The following SPATS2L variants were observed in gnomAD, a reference collection of about 807,000 sequenced individuals.
SPATS2L encodes spermatogenesis associated serine rich 2 like.
A neutral mutation model predicts 59.6 loss-of-function variants in SPATS2L; 30 were observed. That is an observed-to-expected ratio of 0.50 (90% CI 0.38 to 0.68). The LOEUF is 0.68. SPATS2L is among the 30% of genes least tolerant of loss of function. The pLI, the probability that SPATS2L is intolerant of heterozygous loss-of-function variation, is 0.00. For missense variants in SPATS2L, 615 were observed against 700.0 expected (o/e 0.88, Z 1.37); for synonymous variants, 252 against 263.5 (o/e 0.96, Z 0.42).
intron 3 of SPATS2L, among the ~76,000 whole-genome samples, chr2:200,405,128 C>A (rs1247538535): frequency 2.0e-5 from 3 of 152,162 alleles, no homozygotes; most frequent in African/African-American, 7.2e-5. Flanking sequence ...CCCACCACAT[C>A]CCTGGACAAG....
chr2:200,361,088 C>A (rs1362133763), intron 2 of SPATS2L, among the ~76,000 whole-genome samples: 1 of 93,114 alleles, frequency 1.1e-5, no homozygotes, highest in Non-Finnish European at 1.9e-5. Flanking sequence ...CACCCCCCCA[C>A]ACACACACAT....
At chr2:200,354,398 C>T (rs778516476) in intron 2 of SPATS2L, among the ~76,000 whole-genome samples, 5 of 152,046 alleles carry the variant, frequency 3.3e-5, no homozygotes, top group African/African-American at 7.2e-5. Flanking sequence ...TGCTTGAGGC[C>T]GAGAGTTTGA....
At chr2:200,326,231 C>T (rs1280693248) in intron 1 of SPATS2L, among the ~76,000 whole-genome samples, 1 of 152,190 alleles carries the variant, frequency 6.6e-6, no homozygotes, top group Non-Finnish European at 1.5e-5. Flanking sequence ...TTGCCTCAGC[C>T]TCCCAGGTAG....
chr2:200,326,224 C>G (rs1222098887), intron 1 of SPATS2L, among the ~76,000 whole-genome samples: 1 of 152,190 alleles, frequency 6.6e-6, no homozygotes, highest in East Asian at 1.9e-4. Context: ...TATCTTCTTG[C>G]CTCAGCCTCC....
intron 1 of SPATS2L, among the ~76,000 whole-genome samples, chr2:200,311,145 C>T (rs62179508): frequency 8.4e-4 from 128 of 152,328 alleles, no homozygotes; most frequent in Admixed American, 2.2e-3. Context: ...GAACTGCTCA[C>T]CATTGGGTCC....
In SPATS2L at chr2:200,479,797, G is replaced by C. The variant is rs141351691; in HGVS notation, c.*1766G>C. On this transcript the variant is annotated 3_prime_UTR_variant, in exon 13 of 13. Coordinates refer to ENST00000409140, the MANE Select transcript of SPATS2L (RefSeq NM_001100423.2). ...CTGAGCAGCTGAGCCTGCAAGCCAC[G>C]CAAGCATCTGTTTCTTCTTTTGCCA... 7.5e-6 allele frequency: 3 copies of C among 398,474 alleles called. No homozygotes were observed. In the Admixed American group the frequency reaches 1.3e-4, roughly 18 times the overall value. The allele number at this position is 398,474 out of a possible 1,614,324, so 24.7% of individuals were successfully genotyped here.
intron 2 of SPATS2L, among the ~76,000 whole-genome samples, chr2:200,355,455 T>C (rs898018465): frequency 1.3e-5 from 2 of 152,256 alleles, no homozygotes; most frequent in Admixed American, 6.5e-5. Context: ...TTCATTGTCA[T>C]GTTGCTGTGA....
chr2:200,307,418 G>A (rs147678253), intron 1 of SPATS2L, among the ~76,000 whole-genome samples: 2,966 of 152,028 alleles, frequency 0.02, 105 homozygotes, highest in African/African-American at 0.068. Flanking sequence ...ATCCCAGCCG[G>A]GTGCGGGGGC....
intron 3 of SPATS2L, among the ~76,000 whole-genome samples, chr2:200,399,538 C>G (rs996440499): frequency 6.6e-6 from 1 of 151,974 alleles, no homozygotes; most frequent in Admixed American, 6.6e-5. Flanking sequence ...TTGGCAAATG[C>G]TGACTAGTTT....
chr2:200,388,712 A>C (rs1440210896), intron 2 of SPATS2L, among the ~76,000 whole-genome samples: 1 of 151,922 alleles, frequency 6.6e-6, no homozygotes, highest in African/African-American at 2.4e-5. Flanking sequence ...AAAAAAAGAA[A>C]AGAAGTTGTG....
chr2:200,375,107 A>G (rs1275043829), intron 2 of SPATS2L, among the ~76,000 whole-genome samples: 3 of 152,198 alleles, frequency 2.0e-5, no homozygotes, highest in Admixed American at 2.0e-4. Context: ...CTTTTATGCT[A>G]CAAACTAAGA....
chr2:200,474,143 A>G (rs2087309887), intron 12 of SPATS2L, among the ~76,000 whole-genome samples: 2 of 148,668 alleles, frequency 1.3e-5, no homozygotes, highest in Admixed American at 1.3e-4. Flanking sequence ...GTGGTTTTCT[A>G]ACAGGTGTCT....
intron 2 of SPATS2L, among the ~76,000 whole-genome samples, chr2:200,357,694 T>C (rs1353502743): frequency 2.6e-5 from 4 of 152,184 alleles, no homozygotes; most frequent in African/African-American, 9.7e-5. Flanking sequence ...TTTACTCCCA[T>C]TTCACATGAA....
intron 2 of SPATS2L, among the ~76,000 whole-genome samples, chr2:200,351,971 A>T (rs546246112): frequency 6.6e-6 from 1 of 152,064 alleles, no homozygotes; most frequent in African/African-American, 2.4e-5. Context: ...ATGTTGCTAT[A>T]TCTCTTTTCC....
intron 6 of SPATS2L, among the ~76,000 whole-genome samples, chr2:200,435,187 G>A (rs902855425): frequency 6.6e-6 from 1 of 152,072 alleles, no homozygotes; most frequent in African/African-American, 2.4e-5. Flanking sequence ...CTCTCCATAT[G>A]TGTCTGTTGA....
At chr2:200,413,010 C>T (rs565777202) in intron 4 of SPATS2L, among the ~76,000 whole-genome samples, 37 of 152,048 alleles carry the variant, frequency 2.4e-4, no homozygotes, top group Admixed American at 3.9e-4. Flanking sequence ...GAGCTGAGAT[C>T]GCACCATTGC....
chr2:200,429,119 C>T (rs1048640032), intron 6 of SPATS2L, among the ~76,000 whole-genome samples: 2 of 152,300 alleles, frequency 1.3e-5, no homozygotes, highest in East Asian at 1.9e-4. Flanking sequence ...ATGGCACATT[C>T]GTTCTTGCCC....
At chr2:200,477,513 TATA>T (rs1244373532) in intron 12 of SPATS2L, 120 bp from the exon 13 acceptor site, 20 of 555,374 alleles carry the variant, frequency 3.6e-5, no homozygotes, top group African/African-American at 8.8e-5. Flanking sequence ...TCTTCTGGTG[TATA>T]AAAAAAAAAA....
At chr2:200,356,056 AAG>A (rs1395530215) in intron 2 of SPATS2L, among the ~76,000 whole-genome samples, 1 of 152,222 alleles carries the variant, frequency 6.6e-6, no homozygotes, top group African/African-American at 2.4e-5. Context: ...TCCTGTTTAC[AAG>A]TCAAAGCCCA....
Sources: gnomAD v4.1 joint callset for allele counts (sites outside exome capture counted in the v4.1 genomes callset) on GRCh38, gnomAD v4.1.1 for gene constraint, MANE v1.5 for transcripts, NCBI Gene and HGNC (gene_info 2026-07-23, HGNC 2026-07-21) for gene names.